The following SCARB1 variants were observed in gnomAD, a reference collection of about 807,000 sequenced individuals.
SCARB1 encodes the protein CD36 and LIMPII analogous 1.
SCARB1 carries 30 observed loss-of-function variants against 57.2 expected under a neutral mutation model. That is an observed-to-expected ratio of 0.52 (90% CI 0.39 to 0.71). SCARB1 has a LOEUF of 0.71. Among genes scored for constraint, SCARB1 ranks in the 30% least tolerant of loss-of-function variants. The probability of loss-of-function intolerance (pLI) is 0.00; values close to 1 mark genes in which losing one functional copy is unlikely to be tolerated. For synonymous variants in SCARB1, 249 were observed against 268.3 expected, an observed-to-expected ratio of 0.93 and a Z score of 0.70; for missense variants, 543 against 671.2, an observed-to-expected ratio of 0.81 and a Z score of 2.11.
At chr12:124,848,233 G>A (rs577961779) in intron 1 of SCARB1, among the ~76,000 whole-genome samples, 6 of 152,214 alleles carry the variant, frequency 3.9e-5, no homozygotes, top group Non-Finnish European at 5.9e-5. Context: ...ACAGGTGTGC[G>A]CCACCATGCC....
At chr12:124,861,798 A>G (rs1331938976) in intron 1 of SCARB1, among the ~76,000 whole-genome samples, 1 of 152,170 alleles carries the variant, frequency 6.6e-6, no homozygotes, top group African/African-American at 2.4e-5. Context: ...GCTCCAGGAC[A>G]ATTGAGGACA....
At chr12:124,790,578 T>C (rs892011640) in intron 9 of SCARB1, among the ~76,000 whole-genome samples, 2 of 152,164 alleles carry the variant, frequency 1.3e-5, no homozygotes, top group Non-Finnish European at 2.9e-5. Flanking sequence ...CACTGCAAGA[T>C]AGTTTTTAAA....
chr12:124,837,820 C>T (rs553125698), intron 1 of SCARB1, among the ~76,000 whole-genome samples: 8 of 152,094 alleles, frequency 5.3e-5, no homozygotes, highest in East Asian at 1.9e-4. Context: ...GGGAGGATAA[C>T]GAGCCCAGGA....
intron 9 of SCARB1, among the ~76,000 whole-genome samples, chr12:124,788,695 A>T (rs1158479963): frequency 6.6e-6 from 1 of 152,200 alleles, no homozygotes; most frequent in Non-Finnish European, 1.5e-5. Flanking sequence ...TTAAAATAAC[A>T]ATATACCTTT....
intron 12 of SCARB1, 107 bp from the exon 13 acceptor site, chr12:124,778,693 C>T (rs1284428473): frequency 2.7e-6 from 3 of 1,129,942 alleles, no homozygotes; most frequent in African/African-American, 1.6e-5. Context: ...AGAGACTCCA[C>T]CCCCGCCACC....
intron 6 of SCARB1, among the ~76,000 whole-genome samples, chr12:124,808,830 C>CA (rs539829025): frequency 1.1e-4 from 16 of 142,988 alleles, no homozygotes; most frequent in South Asian, 4.4e-4. Flanking sequence ...TACTTGCTAG[C>CA]AAAAAAAACA....
chr12:124,801,318 A>C (rs2135600128), intron 7 of SCARB1, among the ~76,000 whole-genome samples: 1 of 152,294 alleles, frequency 6.6e-6, no homozygotes, highest in African/African-American at 2.4e-5. Context: ...ACTTCTGATG[A>C]GTCTGGGTCT....
At chr12:124,786,630 C>T (rs575240366) in intron 10 of SCARB1, 127 bp from the exon 11 acceptor site, 3 of 1,527,804 alleles carry the variant, frequency 2.0e-6, no homozygotes, top group Non-Finnish European at 1.8e-6. Flanking sequence ...CCGGCTAAAG[C>T]ATGTGTTGGA....
At chr12:124,854,125 T>A (rs1952536920) in intron 1 of SCARB1, among the ~76,000 whole-genome samples, 2 of 151,922 alleles carry the variant, frequency 1.3e-5, no homozygotes, top group South Asian at 4.2e-4. Flanking sequence ...GGCTGACAGG[T>A]CTAAGCAGAG....
chr12:124,803,823 T>G (rs926538388), intron 7 of SCARB1, among the ~76,000 whole-genome samples: 1 of 151,916 alleles, frequency 6.6e-6, no homozygotes, highest in Non-Finnish European at 1.5e-5. Context: ...AGGTCAAGGC[T>G]GCTGTGAGCT....
At chr12:124,825,450 C>T (rs1197502403) in intron 1 of SCARB1, among the ~76,000 whole-genome samples, 1 of 152,144 alleles carries the variant, frequency 6.6e-6, no homozygotes, top group Non-Finnish European at 1.5e-5. Flanking sequence ...GCGGGTGGAT[C>T]ACTTGAGGTC....
At chr12:124,784,926 T>A (rs1173630358) in intron 11 of SCARB1, 1 of 89,692 alleles carries the variant, frequency 1.1e-5, no homozygotes, top group Non-Finnish European at 2.7e-5. Context: ...TTGCTGCAGA[T>A]CTTATGTTCT....
In SCARB1 at chr12:124,810,333, C is replaced by G; in HGVS notation, c.727-44G>C. 1 of 1,399,250 alleles carries G rather than the reference C, an allele frequency of 7.1e-7. No individual in the cohort carries two copies. The highest frequency in any genetic ancestry group is 1.0e-6 in the Non-Finnish European group (1 of 984,654). 86.7% of individuals were successfully genotyped at this position (1,399,250 alleles called of 1,614,324 possible). A position where few individuals can be genotyped will look rare whatever the true frequency, so the allele number is the denominator to read the frequency against. On this transcript the variant is annotated intron_variant, in intron 5 of 12. Coordinates refer to ENST00000261693, the MANE Select transcript of SCARB1 (RefSeq NM_005505.5). The surrounding 1 kb of genome is among the most constrained non-coding windows in gnomAD (Gnocchi z 4.0). ...ACTAGACCCCTCAGTAGGGCCAAGG[C>G]CCCTTAATAAGCCCTCTCAGGTGCT... is the stretch of plus-strand genomic sequence containing the variant.
chr12:124,795,091 T>C, intron 9 of SCARB1, 104 bp downstream of exon 9: 2 of 953,554 alleles, frequency 2.1e-6, no homozygotes, highest in East Asian at 2.4e-5. Flanking sequence ...CCCCTCCCCA[T>C]GCCCTGGTTC....
At position 124,800,055 on chromosome 12, in the gene SCARB1, G is replaced by T. The variant is rs1327939920; in HGVS notation, c.1128+69C>A. The stretch of plus-strand genomic sequence containing the variant: ...CCCACAGCAGCTCTCTGCCTGGGGA[G>T]AGAGGAGGCAGCCAGGTGTGCTCCA... On this transcript the variant is annotated intron_variant, in intron 8 of 12. Coordinates refer to ENST00000261693, the MANE Select transcript of SCARB1 (RefSeq NM_005505.5). This position sits in a 1 kb window ranked among gnomAD's most constrained non-coding sequence, Gnocchi z 4.8. 2.5e-6 allele frequency: 3 copies of T among 1,177,844 alleles called. No individual in the cohort carries two copies. The highest frequency in any genetic ancestry group is 3.8e-6 in the Non-Finnish European group (3 of 784,930). 73.0% of individuals were successfully genotyped at this position (1,177,844 alleles called of 1,614,324 possible).
intron 12 of SCARB1, among the ~76,000 whole-genome samples, chr12:124,781,427 G>C (rs838887): frequency 0.65 from 99,183 of 151,920 alleles, 32,679 homozygotes; most frequent in South Asian, 0.8. Flanking sequence ...GAGGCACCAC[G>C]GTAGAGCGAC....
At chr12:124,850,200 T>C (rs56052864) in intron 1 of SCARB1, among the ~76,000 whole-genome samples, 8 of 141,356 alleles carry the variant, frequency 5.7e-5, no homozygotes, top group Admixed American at 1.4e-4. Flanking sequence ...TGGTGAAACC[T>C]CGCCTCTACT....
intron 1 of SCARB1, among the ~76,000 whole-genome samples, chr12:124,828,512 C>T (rs1225320878): frequency 6.6e-6 from 1 of 152,222 alleles, no homozygotes; most frequent in Non-Finnish European, 1.5e-5. Context: ...ACCAGGGGAG[C>T]AGAATCGTCT....
At chr12:124,793,367 G>A (rs1949798867) in intron 9 of SCARB1, among the ~76,000 whole-genome samples, 1 of 152,132 alleles carries the variant, frequency 6.6e-6, no homozygotes, top group Non-Finnish European at 1.5e-5. Context: ...GGTGCGCGTG[G>A]GGAGGAACTG....
Sources: allele counts gnomAD v4.1 joint callset (sites outside exome capture counted in the v4.1 genomes callset), GRCh38; gene constraint gnomAD v4.1.1; non-coding constraint Gnocchi (gnomAD v3.1); transcripts MANE v1.5; gene names NCBI Gene and HGNC (gene_info 2026-07-23, HGNC 2026-07-21).